Variants in HNRNPD observed in about 807,000 individuals in gnomAD.
HNRNPD encodes heterogeneous nuclear ribonucleoprotein D0.
A neutral mutation model predicts 47.9 loss-of-function variants in HNRNPD; 3 were observed. The ratio of observed to expected loss-of-function variants is 0.06; its 90% CI spans 0.03 to 0.16. The LOEUF (loss-of-function observed/expected upper bound fraction) is 0.16, where lower values mean the gene tolerates loss of function less well. Among genes scored for constraint, HNRNPD ranks in the 10% least tolerant of loss-of-function variants. HNRNPD has a pLI of 1.00. For missense variants in HNRNPD, 287 were observed against 454.2 expected, an observed-to-expected ratio of 0.63 and a Z score of 3.35; for synonymous variants, 171 against 165.1, an observed-to-expected ratio of 1.04 and a Z score of -0.28.
chr4:82,357,190 GT>G (rs1723748658), intron 5 of HNRNPD, 122 bp downstream of exon 5: 1 of 1,155,070 alleles, frequency 8.7e-7, no homozygotes, highest in South Asian at 1.6e-5. Context: ...TTGGTCAATG[GT>G]AAGTAACCAA....
intron 2 of HNRNPD, among the ~76,000 whole-genome samples, 181 bp downstream of exon 2, chr4:82,371,347 A>T (rs1405345925): frequency 6.6e-6 from 1 of 152,212 alleles, no homozygotes; most frequent in African/African-American, 2.4e-5. Context: ...TAACGGCATC[A>T]ATTTTGCCCA....
At position 82,357,363 on chromosome 4, in the gene HNRNPD, G is replaced by A. The variant is rs373780703; in HGVS notation, c.703C>T (p.Pro235Ser). ...FCFITFKEEE[P>S]VKKIMEKKYH... ...TTCTTTTCCATTATCTTCTTCACTGGTTCTTCTTCCTTAAAGGTAATAAAG... is the reference window on the plus strand; with the variant it reads ...TTCTTTTCCATTATCTTCTTCACTGATTCTTCTTCCTTAAAGGTAATAAAG... The change falls in exon 5 of 9, where the codon CCA (proline) becomes TCA (serine). Residue 235 changes from proline (P) to serine (S), a missense_variant. Coordinates refer to ENST00000313899, the MANE Select transcript of HNRNPD (RefSeq NM_031370.3). The A allele has an allele frequency of 5.5e-5, 89 of 1,613,050 alleles. No homozygotes were observed. Among genetic ancestry groups the A allele is most frequent in the Non-Finnish European group, 6.7e-5 (79 of 1,179,586 alleles).
intron 2 of HNRNPD, among the ~76,000 whole-genome samples, chr4:82,362,999 C>T (rs1435340584): frequency 6.6e-6 from 1 of 151,918 alleles, no homozygotes; most frequent in Non-Finnish European, 1.5e-5. Flanking sequence ...CATGCTCTCC[C>T]TCAAACTGAT....
chr4:82,363,087 T>C (rs573669195), intron 2 of HNRNPD, among the ~76,000 whole-genome samples: 1 of 151,002 alleles, frequency 6.6e-6, no homozygotes, highest in East Asian at 2.0e-4. Flanking sequence ...TACTTATTTT[T>C]TTCTTTTTAA....
chr4:82,367,404 A>G (rs1028873751), intron 2 of HNRNPD, among the ~76,000 whole-genome samples: 1 of 152,224 alleles, frequency 6.6e-6, no homozygotes, highest in African/African-American at 2.4e-5. Flanking sequence ...TTAGGTATCA[A>G]TGCTGAAGTC....
At chr4:82,358,596 T>C (rs1723827588) in intron 4 of HNRNPD, 63 bp downstream of exon 4, 1 of 1,445,980 alleles carries the variant, frequency 6.9e-7, no homozygotes, top group Non-Finnish European at 9.5e-7. Flanking sequence ...TCTGAGTCCA[T>C]AATGGGACAA....
chr4:82,357,723 A>G (rs889668937), intron 4 of HNRNPD: 3 of 242,270 alleles, frequency 1.2e-5, no homozygotes, highest in African/African-American at 4.5e-5. Context: ...ATGCCCACAA[A>G]GAACAAGAAG....
chr4:82,369,608 C>A (rs1719933897), intron 2 of HNRNPD, among the ~76,000 whole-genome samples: 1 of 150,320 alleles, frequency 6.7e-6, no homozygotes, highest in Admixed American at 6.7e-5. Context: ...AATATTGAGA[C>A]TATAAAACTG....
At chr4:82,368,601 T>C (rs543378160) in intron 2 of HNRNPD, among the ~76,000 whole-genome samples, 1 of 152,286 alleles carries the variant, frequency 6.6e-6, no homozygotes, top group East Asian at 1.9e-4. Context: ...GGGACATCAA[T>C]TTCTGGAATT....
Position 82,373,819 on chromosome 4 carries a change from G to C in HNRNPD, c.-141C>G. 2.0e-6 allele frequency: 3 copies of C among 1,486,192 alleles called. No individual in the cohort carries two copies. Among genetic ancestry groups the C allele is most frequent in the South Asian group, 2.5e-5 (2 of 79,354 alleles). 92.1% of individuals were successfully genotyped at this position (1,486,192 alleles called of 1,614,324 possible). On this transcript the variant is annotated 5_prime_UTR_variant, in exon 1 of 9. Transcript: ENST00000313899. ...ACAAGACAGGGAAGGCGCGCGCGTG[G>C]CTGCAAAGGCTCCTGCGCCTCTCCC...
intron 2 of HNRNPD, among the ~76,000 whole-genome samples, chr4:82,362,742 G>A (rs151304409): frequency 2.8e-3 from 430 of 152,082 alleles, no homozygotes; most frequent in African/African-American, 9.7e-3. Context: ...AGGGATTACA[G>A]GCTGCACCAC....
chr4:82,355,633 C>G (rs1448551700), intron 7 of HNRNPD: 6 of 547,122 alleles, frequency 1.1e-5, no homozygotes, highest in Non-Finnish European at 3.2e-6. Context: ...AAATGGGAGA[C>G]AATCCCCTCA....
At position 82,364,475 on chromosome 4, in the gene HNRNPD, A is replaced by T. The variant is rs559382292; in HGVS notation, c.291-4836T>A. The stretch of plus-strand genomic sequence containing the variant: ...GGTAAAGCACTATAAGCACTATCTA[A>T]ACATAATTTAATAAAGCAAACTTTT... On this transcript the variant is annotated intron_variant, in intron 2 of 8. Coordinates refer to ENST00000313899, the MANE Select transcript of HNRNPD (RefSeq NM_031370.3). 7.9e-5 allele frequency among the ~76,000 whole-genome samples: 12 copies of T among 152,292 alleles called. No homozygotes were observed. In the East Asian group the frequency reaches 1.7e-3, roughly 22 times the overall value.
At position 82,373,629 on chromosome 4, in the gene HNRNPD, G is replaced by A; in HGVS notation, c.50C>T (p.Ala17Val). 1 of 1,525,234 alleles carries A rather than the reference G, an allele frequency of 6.6e-7. No homozygotes were observed. The highest frequency in any genetic ancestry group is 1.2e-5 in the South Asian group (1 of 83,336). The allele number at this position is 1,525,234 out of a possible 1,614,324, so 94.5% of individuals were successfully genotyped here. The change falls in exon 1 of 9, where the codon GCG (alanine) becomes GTG (valine). Residue 17 changes from alanine (A) to valine (V), a missense_variant. Physicochemically the swap from Ala to Val is moderately conservative, Grantham distance 64. Coordinates refer to ENST00000313899, the MANE Select transcript of HNRNPD (RefSeq NM_031370.3). ...GGDGAAAAATAAVGGSAGEQE... is the reference protein window; with the variant it reads ...GGDGAAAAATVAVGGSAGEQE... ...CTCGCCCGCCGAGCCGCCTACCGCC[G>A]CCGTTGCCGCTGCCGCCGCCCCGTC...
intron 2 of HNRNPD, among the ~76,000 whole-genome samples, chr4:82,360,639 CTCT>C (rs1723925181): frequency 2.6e-5 from 4 of 152,082 alleles, no homozygotes; most frequent in Non-Finnish European, 5.9e-5. Context: ...TCAACATTTT[CTCT>C]TCTTTTTAAC....
At chr4:82,373,278 A>G in intron 1 of HNRNPD, 168 bp downstream of exon 1, 1 of 908,010 alleles carries the variant, frequency 1.1e-6, no homozygotes, top group South Asian at 1.5e-5. Flanking sequence ...AGGAAGAAGG[A>G]AATGAAGGTC....
intron 2 of HNRNPD, among the ~76,000 whole-genome samples, chr4:82,366,029 G>C (rs1035333119): frequency 6.6e-6 from 1 of 151,980 alleles, no homozygotes; most frequent in Non-Finnish European, 1.5e-5. Flanking sequence ...CATCATTAAA[G>C]AATAGGTATT....
intron 8 of HNRNPD, 49 bp downstream of exon 8, chr4:82,355,255 T>C (rs55654912): frequency 0.015 from 14,761 of 1,009,114 alleles, 159 homozygotes; most frequent in Non-Finnish European, 0.018. Context: ...ATATAGATTA[T>C]AAAAACTACT....
rs1000475734 is a variant in HNRNPD at position 82,373,750 on chromosome 4, T to A, written c.-72A>T. 3.0e-4 allele frequency: 458 copies of A among 1,522,344 alleles called. No homozygotes were observed. The highest frequency in any genetic ancestry group is 3.0e-4 in the Non-Finnish European group (348 of 1,141,182). The allele number at this position is 1,522,344 out of a possible 1,614,324, so 94.3% of individuals were successfully genotyped here. A position where few individuals can be genotyped will look rare whatever the true frequency, so the allele number is the denominator to read the frequency against. ...CCGCGAACCGAAACTAGCAGCAAAG[T>A]AATCCCCGCCGCTGCCGCGCGCCCG... is the stretch of plus-strand genomic sequence containing the variant. On this transcript the variant is annotated 5_prime_UTR_variant, in exon 1 of 9. Coordinates refer to ENST00000313899, the MANE Select transcript of HNRNPD (RefSeq NM_031370.3).
Sources: gnomAD v4.1 joint callset for allele counts (sites outside exome capture counted in the v4.1 genomes callset) on GRCh38, gnomAD v4.1.1 for gene constraint, MANE v1.5 for transcripts, NCBI Gene and HGNC (gene_info 2026-07-23, HGNC 2026-07-21) for gene names.